CPNE4: variants seen among roughly 807,000 people sequenced by gnomAD.
The protein encoded by CPNE4 is copine-4.
CPNE4 carries 25 observed loss-of-function variants against 67.9 expected under a neutral mutation model. The ratio of observed to expected loss-of-function variants is 0.37; its 90% confidence interval spans 0.27 to 0.51. The LOEUF is 0.51. Among genes scored for constraint, CPNE4 ranks in the 20% least tolerant of loss-of-function variants. CPNE4 has a pLI of 0.93. For synonymous variants in CPNE4, 242 were observed against 244.9 expected (o/e 0.99, Z 0.11); for missense variants, 464 against 690.8 (o/e 0.67, Z 3.68).
intron 1 of CPNE4, among the ~76,000 whole-genome samples, chr3:132,019,705 T>C (rs1262413094): frequency 6.6e-6 from 1 of 152,250 alleles, no homozygotes; most frequent in Non-Finnish European, 1.5e-5. Flanking sequence ...GCCAAATTCA[T>C]GCTTTTGATT....
At chr3:131,813,550 T>C (rs2084618678) in intron 2 of CPNE4, among the ~76,000 whole-genome samples, 2 of 151,416 alleles carry the variant, frequency 1.3e-5, no homozygotes. Context: ...TATGCATACA[T>C]ACACACATTT....
intron 6 of CPNE4, among the ~76,000 whole-genome samples, chr3:131,676,465 A>T (rs1044989465): frequency 1.3e-5 from 2 of 152,082 alleles, no homozygotes; most frequent in Admixed American, 1.3e-4. Flanking sequence ...GGTTGTATAG[A>T]TTATTTCATC....
chr3:131,552,375 A>C (rs1166603193), intron 13 of CPNE4, 65 bp downstream of exon 13: 13 of 1,369,708 alleles, frequency 9.5e-6, no homozygotes, highest in Non-Finnish European at 1.3e-5. Context: ...GCAGAGATGA[A>C]CTAAAATGGG....
intron 2 of CPNE4, among the ~76,000 whole-genome samples, chr3:131,865,917 G>C (rs74775545): frequency 0.011 from 1,639 of 152,254 alleles, 23 homozygotes; most frequent in African/African-American, 0.038. Context: ...CACTTCTATG[G>C]GGAGCTGTAA....
intron 1 of CPNE4, among the ~76,000 whole-genome samples, chr3:132,012,754 T>C (rs900214884): frequency 2.2e-4 from 33 of 152,224 alleles, no homozygotes; most frequent in Non-Finnish European, 3.8e-4. Context: ...ACCTGGAGCA[T>C]GGATGCTTCA....
At chr3:131,822,213 G>A (rs1281279164) in intron 2 of CPNE4, among the ~76,000 whole-genome samples, 2 of 152,132 alleles carry the variant, frequency 1.3e-5, no homozygotes, top group Admixed American at 6.5e-5. Flanking sequence ...TAAATCTTCA[G>A]CCTACAACAA....
chr3:131,997,141 A>C (rs994470343), intron 1 of CPNE4, among the ~76,000 whole-genome samples: 1 of 152,200 alleles, frequency 6.6e-6, no homozygotes, highest in African/African-American at 2.4e-5. Context: ...CATAGATTAC[A>C]GCATCTCTGC....
intron 1 of CPNE4, among the ~76,000 whole-genome samples, chr3:131,967,093 C>A (rs964946289): frequency 6.6e-6 from 1 of 152,148 alleles, no homozygotes; most frequent in African/African-American, 2.4e-5. Flanking sequence ...AAACATAATC[C>A]ATCACATAAA....
At chr3:131,696,283 T>C (rs776683876) in intron 5 of CPNE4, among the ~76,000 whole-genome samples, 6 of 152,216 alleles carry the variant, frequency 3.9e-5, no homozygotes, top group Non-Finnish European at 8.8e-5. Flanking sequence ...TAAATCATAT[T>C]TACCTGTGCA....
At chr3:131,544,377 G>A (rs1935696668) in intron 14 of CPNE4, among the ~76,000 whole-genome samples, 1 of 152,126 alleles carries the variant, frequency 6.6e-6, no homozygotes, top group Non-Finnish European at 1.5e-5. Flanking sequence ...AATGAAAAAT[G>A]TAAGCTGGAG....
intron 2 of CPNE4, among the ~76,000 whole-genome samples, chr3:131,730,082 C>T (rs1052345824): frequency 1.3e-5 from 2 of 151,974 alleles, no homozygotes; most frequent in Middle Eastern, 3.2e-3. Context: ...AATTATATGC[C>T]ATTGTTTAAT....
intron 14 of CPNE4, among the ~76,000 whole-genome samples, chr3:131,546,260 C>G (rs979534845): frequency 5.9e-5 from 9 of 152,140 alleles, no homozygotes; most frequent in African/African-American, 2.2e-4. Flanking sequence ...ACTGCAGGAT[C>G]GAAACCTGAT....
intron 9 of CPNE4, among the ~76,000 whole-genome samples, chr3:131,580,646 C>T (rs75714954): frequency 0.036 from 5,477 of 152,046 alleles, 295 homozygotes; most frequent in African/African-American, 0.12. Flanking sequence ...TGAAAGTAGA[C>T]ATCTCAGGGT....
intron 7 of CPNE4, among the ~76,000 whole-genome samples, chr3:131,629,466 C>A (rs1354654936): frequency 6.6e-6 from 1 of 151,756 alleles, no homozygotes; most frequent in Non-Finnish European, 1.5e-5. Context: ...TTTTTTGACA[C>A]AGAGTCTCAC....
At chr3:131,900,709 A>G (rs963544291) in intron 2 of CPNE4, among the ~76,000 whole-genome samples, 2 of 152,118 alleles carry the variant, frequency 1.3e-5, no homozygotes, top group South Asian at 2.1e-4. Flanking sequence ...AGGAAATAAC[A>G]TAAGTGGATG....
intron 14 of CPNE4, among the ~76,000 whole-genome samples, chr3:131,545,025 T>A (rs1021250280): frequency 1.3e-5 from 2 of 152,202 alleles, no homozygotes; most frequent in Non-Finnish European, 2.9e-5. Context: ...AGGAAACTAT[T>A]TTTTGTCAAG....
rs530016549 is a variant in CPNE4 at position 131,814,389 on chromosome 3, C to A, written c.181-90764G>T. 3.3e-5 allele frequency among the ~76,000 whole-genome samples: 5 copies of A among 151,980 alleles called. No individual in the cohort carries two copies. In the East Asian group the frequency reaches 5.8e-4, roughly 18 times the overall value. ...GGTCTTTCATGGTCTGGAAGTGATT[C>A]ATTACTCATAACTCACTTGCCAGTC... On this transcript the variant is annotated intron_variant, in intron 2 of 15. Coordinates refer to ENST00000429747, the MANE Select transcript of CPNE4 (RefSeq NM_130808.3).
chr3:131,979,905 C>G (rs919798611), intron 1 of CPNE4, among the ~76,000 whole-genome samples: 3 of 152,052 alleles, frequency 2.0e-5, no homozygotes, highest in Non-Finnish European at 4.4e-5. Context: ...GGTGAATTCT[C>G]TCAGCATTTG....
At chr3:131,682,247 C>A (rs905149412) in intron 6 of CPNE4, among the ~76,000 whole-genome samples, 2 of 152,098 alleles carry the variant, frequency 1.3e-5, no homozygotes, top group Admixed American at 1.3e-4. Flanking sequence ...GTAGTCTTTG[C>A]AGCCTGGGCT....
Sources: gnomAD v4.1 joint callset for allele counts (sites outside exome capture counted in the v4.1 genomes callset) on GRCh38, gnomAD v4.1.1 for gene constraint, MANE v1.5 for transcripts, NCBI Gene and HGNC (gene_info 2026-07-23, HGNC 2026-07-21) for gene names.